Variants in ANO3 observed in about 807,000 individuals in gnomAD.
The protein encoded by ANO3 is anoctamin-3.
ANO3 carries 99 observed loss-of-function variants against 144.8 expected under a neutral mutation model. The observed-to-expected ratio is 0.68, with a 90% CI of 0.58 to 0.81. The LOEUF (loss-of-function observed/expected upper bound fraction) is 0.81, where lower values mean the gene tolerates loss of function less well. ANO3 is among the 30% of genes least tolerant of loss of function. ANO3 has a pLI of 0.00. For synonymous variants in ANO3, 414 were observed against 392.6 expected (o/e 1.05, Z -0.64); for missense variants, 905 against 1,202.2 (o/e 0.75, Z 3.66).
intron 1 of ANO3, among the ~76,000 whole-genome samples, chr11:26,436,114 G>A (rs955224209): frequency 3.3e-5 from 5 of 152,204 alleles, no homozygotes; most frequent in Admixed American, 2.6e-4. Flanking sequence ...CCTGTTCAGT[G>A]AGGAGAAGCG....
At chr11:26,374,121 T>C (rs1457052773) in intron 1 of ANO3, among the ~76,000 whole-genome samples, 4 of 152,228 alleles carry the variant, frequency 2.6e-5, no homozygotes, top group Non-Finnish European at 4.4e-5. Context: ...TTCCAGGTCA[T>C]ATAAACATGA....
At chr11:26,298,483 A>G (rs1219688661) in intron 1 of ANO3, among the ~76,000 whole-genome samples, 2 of 152,210 alleles carry the variant, frequency 1.3e-5, no homozygotes, top group African/African-American at 2.4e-5. Flanking sequence ...TGTTTTCAAT[A>G]TTTGCAATGC....
At chr11:26,222,042 C>G (rs1409927140) in intron 1 of ANO3, among the ~76,000 whole-genome samples, 3 of 152,148 alleles carry the variant, frequency 2.0e-5, no homozygotes, top group Non-Finnish European at 2.9e-5. Flanking sequence ...AATAGTCCCC[C>G]CAAAGTCTTA....
intron 18 of ANO3, among the ~76,000 whole-genome samples, chr11:26,630,505 T>G (rs1852741230): frequency 1.3e-5 from 2 of 152,350 alleles, no homozygotes; most frequent in South Asian, 4.1e-4. Flanking sequence ...TTTTAGGATA[T>G]CCAAACTATC....
In ANO3 at chr11:26,621,718, A is replaced by G. The variant is rs542520414; in HGVS notation, c.1837-2744A>G. Among the ~76,000 whole-genome samples, 31 of 152,244 alleles carry G rather than the reference A, an allele frequency of 2.0e-4. 2 individuals are homozygous for G. The South Asian group carries it at 6.2e-3, about 31-fold the overall frequency. On this transcript the variant is annotated intron_variant, in intron 17 of 26. Coordinates refer to ENST00000256737, the MANE Select transcript of ANO3 (RefSeq NM_031418.4). Reference sequence around the variant, plus strand: ...GAGATTATGTCTTTTTGATTCAGGTATGTTTGGTTTCTAAAACACTAACTG... The same window carrying G: ...GAGATTATGTCTTTTTGATTCAGGTGTGTTTGGTTTCTAAAACACTAACTG...
chr11:26,553,646 C>T (rs1850002425), intron 13 of ANO3, among the ~76,000 whole-genome samples: 1 of 152,072 alleles, frequency 6.6e-6, no homozygotes, highest in South Asian at 2.1e-4. Context: ...TCTATTGCTA[C>T]TTACTAAATG....
intron 1 of ANO3, among the ~76,000 whole-genome samples, chr11:26,426,159 A>C (rs185316638): frequency 3.3e-5 from 5 of 152,212 alleles, no homozygotes; most frequent in Non-Finnish European, 5.9e-5. Flanking sequence ...AGAAAAGTCT[A>C]ACAATACAGC....
At chr11:26,385,598 C>T (rs1856702761) in intron 1 of ANO3, among the ~76,000 whole-genome samples, 1 of 152,080 alleles carries the variant, frequency 6.6e-6, no homozygotes, top group Non-Finnish European at 1.5e-5. Flanking sequence ...CCTCTGCTTC[C>T]ATCACCACAT....
At chr11:26,480,414 TTTTG>T (rs761385567) in intron 4 of ANO3, among the ~76,000 whole-genome samples, 36 of 152,322 alleles carry the variant, frequency 2.4e-4, no homozygotes, top group South Asian at 8.3e-4. Flanking sequence ...TGCCAGTTTT[TTTTG>T]TTTGTTTGTT....
chr11:26,598,510 G>C, intron 15 of ANO3, 63 bp downstream of exon 15: 1 of 1,156,442 alleles, frequency 8.6e-7, no homozygotes, highest in South Asian at 1.4e-5. Flanking sequence ...GAAAATTACT[G>C]CCCTAGCATT....
chr11:26,557,214 C>G (rs894696203), intron 13 of ANO3, among the ~76,000 whole-genome samples: 3 of 152,214 alleles, frequency 2.0e-5, no homozygotes, highest in Non-Finnish European at 4.4e-5. Context: ...GTAATCCCAG[C>G]ACTTTGGGAG....
At chr11:26,458,376 T>C (rs559579082) in intron 3 of ANO3, among the ~76,000 whole-genome samples, 11 of 152,130 alleles carry the variant, frequency 7.2e-5, no homozygotes, top group Non-Finnish European at 1.5e-4. Context: ...TCTGCCGTTA[T>C]GATACAAATA....
At chr11:26,418,214 A>T (rs1857648074) in intron 1 of ANO3, among the ~76,000 whole-genome samples, 1 of 152,110 alleles carries the variant, frequency 6.6e-6, no homozygotes, top group Non-Finnish European at 1.5e-5. Flanking sequence ...AAAATATAAA[A>T]CAGGTTGTGC....
In ANO3 at chr11:26,624,510, T is replaced by G; in HGVS notation, c.1873+12T>G. The stretch of plus-strand genomic sequence containing the variant: ...CCTCACCAATTTAGGTAAGTCCATT[T>G]TTCTTACTTCACTCCTTAGTCAGAA... On this transcript the variant is annotated intron_variant, in intron 18 of 26. Transcript: ENST00000256737. The G allele has an allele frequency of 6.3e-7, 1 of 1,596,928 alleles. No individual in the cohort carries two copies. The highest frequency in any genetic ancestry group is 2.2e-5 in the East Asian group (1 of 44,632).
At chr11:26,644,066 C>G (rs1340502452) in intron 23 of ANO3, among the ~76,000 whole-genome samples, 1 of 152,146 alleles carries the variant, frequency 6.6e-6, no homozygotes, top group African/African-American at 2.4e-5. Context: ...TTTATTATAG[C>G]AGCATAAAGG....
At chr11:26,535,523 A>G (rs892904636) in intron 9 of ANO3, among the ~76,000 whole-genome samples, 3 of 150,524 alleles carry the variant, frequency 2.0e-5, no homozygotes, top group African/African-American at 7.3e-5. Context: ...TGATTTTATT[A>G]AAATTGAGTG....
At position 26,553,242 on chromosome 11, in the gene ANO3, T is replaced by TTAAAAAA; in HGVS notation, c.1290-7_1290-6insTAAAAAA. 1 of 1,429,452 alleles carries TTAAAAAA rather than the reference T, an allele frequency of 7.0e-7. No individual in the cohort carries two copies. Among genetic ancestry groups the TTAAAAAA allele is most frequent in the Non-Finnish European group, 9.8e-7 (1 of 1,024,164 alleles). The allele number at this position is 1,429,452 out of a possible 1,614,324, so 88.5% of individuals were successfully genotyped here. The stretch of plus-strand genomic sequence containing the variant: ...TTGTTTTGTTTTTGTTTTTGTTTTT[T>TTAAAAAA]CTCAAGCCAAGAAATTTGTAAAGCC... On this transcript the variant is annotated splice_polypyrimidine_tract_variant and splice_region_variant and intron_variant, in intron 12 of 26. Coordinates refer to ENST00000256737, the MANE Select transcript of ANO3 (RefSeq NM_031418.4).
intron 1 of ANO3, among the ~76,000 whole-genome samples, chr11:26,322,035 T>A (rs1428543914): frequency 6.6e-6 from 1 of 152,058 alleles, no homozygotes; most frequent in African/African-American, 2.4e-5. Context: ...CTTATAATGT[T>A]ATTTGTCTGT....
At chr11:26,214,055 A>T (rs1851989088) in intron 1 of ANO3, among the ~76,000 whole-genome samples, 2 of 151,952 alleles carry the variant, frequency 1.3e-5, no homozygotes, top group South Asian at 4.1e-4. Context: ...GACTTTTGAA[A>T]GATAATTTTT....
Sources: allele counts gnomAD v4.1 joint callset (sites outside exome capture counted in the v4.1 genomes callset), GRCh38; gene constraint gnomAD v4.1.1; transcripts MANE v1.5; gene names NCBI Gene and HGNC (gene_info 2026-07-23, HGNC 2026-07-21).